Variants in TMEM156 observed in about 807,000 individuals in gnomAD.
TMEM156 encodes the protein transmembrane protein 156.
TMEM156 carries 28 observed loss-of-function variants against 30.5 expected under a neutral mutation model. That is an observed-to-expected ratio of 0.92 (90% CI 0.68 to 1.26). The LOEUF is 1.26. Ranked by LOEUF, TMEM156 falls within the 50% of genes most tolerant of loss-of-function variation. The pLI is 0.00. For missense variants in TMEM156, 351 were observed against 340.6 expected (o/e 1.03, Z -0.24); for synonymous variants, 137 against 119.9 (o/e 1.14, Z -0.93).
intron 5 of TMEM156, chr4:38,980,852 G>A (rs991342080): frequency 5.9e-5 from 50 of 846,994 alleles, no homozygotes; most frequent in Admixed American, 1.9e-4. Flanking sequence ...ATATTAAGAT[G>A]AAGGAGATGT....
chr4:38,990,717 A>G (rs986841608), intron 3 of TMEM156, among the ~76,000 whole-genome samples: 1 of 151,764 alleles, frequency 6.6e-6, no homozygotes, highest in African/African-American at 2.4e-5. Context: ...CTCAGAGTAA[A>G]TTTGCCAGAC....
At chr4:38,996,507 G>C (rs1024696580) in intron 2 of TMEM156, among the ~76,000 whole-genome samples, 17 of 152,112 alleles carry the variant, frequency 1.1e-4, no homozygotes, top group African/African-American at 3.9e-4. Context: ...AGGAGGCAGA[G>C]GTTGCAGTGA....
intron 1 of TMEM156, among the ~76,000 whole-genome samples, chr4:39,010,007 G>T (rs987759907): frequency 2.0e-5 from 3 of 151,986 alleles, no homozygotes; most frequent in Non-Finnish European, 4.4e-5. Context: ...TAAAAATTCC[G>T]TGAAAAGACT....
At chr4:39,013,695 C>G (rs569975684) in intron 1 of TMEM156, among the ~76,000 whole-genome samples, 1 of 151,934 alleles carries the variant, frequency 6.6e-6, no homozygotes, top group Non-Finnish European at 1.5e-5. Context: ...CCATCGCGCC[C>G]GGCCAATTGT....
chr4:38,990,556 A>T (rs4419478), intron 3 of TMEM156, among the ~76,000 whole-genome samples: 4 of 151,960 alleles, frequency 2.6e-5, no homozygotes, highest in Admixed American at 2.6e-4. Flanking sequence ...TGGGGACCAG[A>T]CCAGCCAGTG....
chr4:38,993,763 A>T lies in TMEM156; in HGVS notation c.594T>A (p.Ser198=). 2 of 1,613,262 alleles carry T rather than the reference A, an allele frequency of 1.2e-6. No homozygotes were observed. Among genetic ancestry groups the T allele is most frequent in the South Asian group, 2.2e-5 (2 of 91,056 alleles). Residue 198 remains serine (S), a synonymous_variant, in exon 3 of 7, where the codon TCT becomes TCA. Coordinates refer to ENST00000381938, the MANE Select transcript of TMEM156 (RefSeq NM_024943.3). The stretch of plus-strand genomic sequence containing the variant: ...TTTTTATATCCATCTCTAGGTGCAA[A>T]GAAATGTGTATACAATCATTCGGGT... ...MEYPNDCIHI[S]LHLEMDIKNI... is the part of the protein sequence containing the mutation.
intron 1 of TMEM156, among the ~76,000 whole-genome samples, chr4:39,012,530 G>A (rs1714189672): frequency 1.3e-5 from 2 of 152,242 alleles, no homozygotes; most frequent in African/African-American, 4.8e-5. Context: ...AGAAGGTCGG[G>A]TGCGGTGGCT....
At chr4:38,999,110 A>ATTTATTTTTTTTTTTTTTTTT in intron 1 of TMEM156, among the ~76,000 whole-genome samples, 1 of 106,110 alleles carries the variant, frequency 9.4e-6, no homozygotes, top group Non-Finnish European at 1.9e-5. Flanking sequence ...TTATTTATTT[A>ATTTATTTTTTTTTTTTTTTTT]TTTTTTTTTT....
At chr4:39,004,559 TA>T (rs1362745841) in intron 1 of TMEM156, among the ~76,000 whole-genome samples, 1 of 152,116 alleles carries the variant, frequency 6.6e-6, no homozygotes, top group Non-Finnish European at 1.5e-5. Flanking sequence ...AATATATACA[TA>T]TATATGGAAT....
At chr4:39,021,898 T>C (rs1260058441) in intron 1 of TMEM156, among the ~76,000 whole-genome samples, 1 of 152,242 alleles carries the variant, frequency 6.6e-6, no homozygotes, top group Admixed American at 6.5e-5. Context: ...AGCTAAATAT[T>C]TTCTATTTTA....
At position 38,983,107 on chromosome 4, in the gene TMEM156, C is replaced by T. The variant is rs138811039; in HGVS notation, c.823+3229G>A. Among the ~76,000 whole-genome samples, 134 of 152,218 alleles carry T rather than the reference C, an allele frequency of 8.8e-4. 1 individual carries two copies. Among genetic ancestry groups the T allele is most frequent in the African/African-American group, 3.1e-3 (128 of 41,530 alleles). On this transcript the variant is annotated intron_variant, in intron 5 of 6. Coordinates refer to ENST00000381938, the MANE Select transcript of TMEM156 (RefSeq NM_024943.3). ...GCAGTTCAGAGGGGGGTGACACCAG[C>T]GGGAGCATTCTCACCAGACCATTCC...
chr4:39,029,418 C>T (rs759529402), intron 1 of TMEM156, among the ~76,000 whole-genome samples: 1 of 152,024 alleles, frequency 6.6e-6, no homozygotes, highest in South Asian at 2.1e-4. Context: ...CATTAGTTGT[C>T]AATTTAACTC....
intron 1 of TMEM156, among the ~76,000 whole-genome samples, chr4:39,001,028 C>A (rs567441943): frequency 6.6e-6 from 1 of 151,882 alleles, no homozygotes; most frequent in Non-Finnish European, 1.5e-5. Flanking sequence ...TTGGGAATTC[C>A]TATTTAGCAG....
chr4:39,005,953 T>G (rs1375876482), intron 1 of TMEM156, among the ~76,000 whole-genome samples: 1 of 152,168 alleles, frequency 6.6e-6, no homozygotes, highest in East Asian at 1.9e-4. Context: ...TGGAGTGCAG[T>G]GGTACGATCT....
chr4:38,990,634 C>A (rs970906966), intron 3 of TMEM156, among the ~76,000 whole-genome samples: 1 of 151,960 alleles, frequency 6.6e-6, no homozygotes, highest in African/African-American at 2.4e-5. Context: ...ATCCCTGCAG[C>A]CTTCTTAGAG....
intron 3 of TMEM156, among the ~76,000 whole-genome samples, chr4:38,992,712 T>A (rs578005533): frequency 9.7e-5 from 4 of 41,080 alleles, no homozygotes; most frequent in African/African-American, 2.2e-4. Flanking sequence ...TATATATATA[T>A]TATATATATA....
At chr4:38,982,354 T>A (rs1026594176) in intron 5 of TMEM156, among the ~76,000 whole-genome samples, 1 of 152,228 alleles carries the variant, frequency 6.6e-6, no homozygotes, top group African/African-American at 2.4e-5. Flanking sequence ...AGACTCAGCC[T>A]AGAGTTACTT....
chr4:38,992,726 T>TATATATATATATA (rs1560367029), intron 3 of TMEM156, among the ~76,000 whole-genome samples: 1 of 56,174 alleles, frequency 1.8e-5, no homozygotes. Context: ...ATATATATAA[T>TATATATATATATA]ATATATATAA....
At chr4:39,027,598 C>T (rs1180943646) in intron 1 of TMEM156, among the ~76,000 whole-genome samples, 7 of 128,966 alleles carry the variant, frequency 5.4e-5, no homozygotes, top group Non-Finnish European at 6.3e-5. Context: ...CTCTGTCACT[C>T]AGGCTGAAGT....
Sources: gnomAD v4.1 joint callset for allele counts (sites outside exome capture counted in the v4.1 genomes callset) on GRCh38, gnomAD v4.1.1 for gene constraint, MANE v1.5 for transcripts, NCBI Gene and HGNC (gene_info 2026-07-23, HGNC 2026-07-21) for gene names.